Variants in CDHR3 observed in about 807,000 individuals in gnomAD.
CDHR3 encodes cadherin-related family member 3.
In CDHR3, 79 loss-of-function variants were observed where a neutral mutation model predicts 86.6. The observed-to-expected ratio is 0.91, with a 90% CI of 0.76 to 1.10. The LOEUF (loss-of-function observed/expected upper bound fraction) is 1.10. CDHR3 is among the 50% of genes least tolerant of loss of function. The pLI, the probability that CDHR3 is intolerant of heterozygous loss-of-function variation, is 0.00. For synonymous variants in CDHR3, 421 were observed against 402.4 expected, an observed-to-expected ratio of 1.05 and a Z score of -0.55; for missense variants, 1,081 against 1,077.6, an observed-to-expected ratio of 1.00 and a Z score of -0.04.
intron 6 of CDHR3, among the ~76,000 whole-genome samples, chr7:105,996,591 T>C (rs76140210): frequency 0.037 from 5,611 of 152,178 alleles, 180 homozygotes; most frequent in South Asian, 0.19. Context: ...GGATTTTGGA[T>C]ATGGTGGGGA....
At chr7:105,986,458 C>T (rs1423013904) in intron 4 of CDHR3, among the ~76,000 whole-genome samples, 1 of 152,304 alleles carries the variant, frequency 6.6e-6, no homozygotes, top group East Asian at 1.9e-4. Flanking sequence ...CTTTTCCTCA[C>T]TTGTCAAAAG....
intron 8 of CDHR3, among the ~76,000 whole-genome samples, chr7:106,008,089 C>G (rs1271921150): frequency 6.6e-6 from 1 of 152,176 alleles, no homozygotes; most frequent in Non-Finnish European, 1.5e-5. Context: ...GACTTAGTCA[C>G]TATCACAAGA....
intron 13 of CDHR3, among the ~76,000 whole-genome samples, chr7:106,021,282 T>C (rs1836523063): frequency 6.6e-6 from 1 of 152,000 alleles, no homozygotes; most frequent in Non-Finnish European, 1.5e-5. Context: ...AGAGTAAAAA[T>C]CCATCCCTGC....
rs765214027 is a variant in CDHR3, at chr7:106,028,534, T to TG, written c.2273-16dup. On this transcript the variant is annotated splice_polypyrimidine_tract_variant and intron_variant, in intron 16 of 18. Transcript: ENST00000317716. ...CCACCCAAGAAGCTTAACTTCTGCC[T>TG]GTTCTGTTCTCTGCAGAAACGAAGA... 17 of 1,613,778 alleles carry TG rather than the reference T, an allele frequency of 1.1e-5. No homozygotes were observed. Among genetic ancestry groups the TG allele is most frequent in the Non-Finnish European group, 1.4e-5 (17 of 1,179,814 alleles).
intron 1 of CDHR3, among the ~76,000 whole-genome samples, chr7:105,972,154 T>C (rs940574451): frequency 3.3e-5 from 5 of 152,090 alleles, no homozygotes; most frequent in African/African-American, 1.2e-4. Flanking sequence ...ATGTGTGCAA[T>C]GGTGACAGCA....
At chr7:105,992,489 A>T (rs1420202987) in intron 4 of CDHR3, among the ~76,000 whole-genome samples, 2 of 152,190 alleles carry the variant, frequency 1.3e-5, no homozygotes, top group Non-Finnish European at 1.5e-5. Flanking sequence ...TAAACCCCAC[A>T]CCTGGGAGTA....
intron 6 of CDHR3, among the ~76,000 whole-genome samples, chr7:105,998,916 G>A (rs1014740137): frequency 2.0e-5 from 3 of 152,096 alleles, no homozygotes; most frequent in Non-Finnish European, 2.9e-5. Context: ...CTCCCCTCCT[G>A]CCCATTTCTT....
chr7:106,011,815 G>A (rs148452439), intron 8 of CDHR3, among the ~76,000 whole-genome samples: 5 of 152,294 alleles, frequency 3.3e-5, no homozygotes, highest in African/African-American at 1.2e-4. Flanking sequence ...TCTGAGTTTG[G>A]GGGTAGCTTT....
rs368863462 is a variant in CDHR3, at chr7:105,967,885, T to G, written c.46+4521T>G. On this transcript the variant is annotated intron_variant, in intron 1 of 18. Coordinates refer to ENST00000317716, the MANE Select transcript of CDHR3 (RefSeq NM_152750.5). ...TTGTCAGATGGGTAGATTGCAAAATTTTTCTCCTATTCTGTAGGTTGCCTG... is the reference window on the plus strand; with the variant it reads ...TTGTCAGATGGGTAGATTGCAAAATGTTTCTCCTATTCTGTAGGTTGCCTG... Among the ~76,000 whole-genome samples, 3 of 152,212 alleles carry G rather than the reference T, an allele frequency of 2.0e-5. No individual in the cohort carries two copies. The East Asian group carries it at 5.8e-4, about 29-fold the overall frequency.
intron 7 of CDHR3, 22 bp from the exon 8 acceptor site, chr7:106,004,476 G>C (rs76056955): frequency 6.2e-7 from 1 of 1,605,456 alleles, no homozygotes; most frequent in Non-Finnish European, 8.5e-7. Flanking sequence ...AAAGGGTCAC[G>C]TTCTAACCTT....
intron 6 of CDHR3, 115 bp downstream of exon 6, chr7:105,996,469 C>T: frequency 1.8e-6 from 1 of 570,584 alleles, no homozygotes; most frequent in Middle Eastern, 4.4e-4. Flanking sequence ...CTGTGGCCTG[C>T]AGGAAAGATT....
At chr7:106,031,483 T>A (rs1017415589) in intron 18 of CDHR3, among the ~76,000 whole-genome samples, 5 of 152,224 alleles carry the variant, frequency 3.3e-5, no homozygotes, top group Non-Finnish European at 2.9e-5. Context: ...AGGAGGCAAG[T>A]GTGTTGGCTT....
intron 8 of CDHR3, among the ~76,000 whole-genome samples, chr7:106,006,496 T>C (rs182740135): frequency 6.6e-6 from 1 of 152,276 alleles, no homozygotes; most frequent in East Asian, 1.9e-4. Context: ...GGTATAGGCA[T>C]TGGGTAAATA....
At chr7:105,994,270 GTAGTAGCTGTATTAAATAGGTA>G (rs1464135785) in intron 4 of CDHR3, among the ~76,000 whole-genome samples, 5 of 152,018 alleles carry the variant, frequency 3.3e-5, no homozygotes, top group Admixed American at 2.0e-4. Context: ...TACCTAGTGG[GTAGTAGCTGTATTAAATAGGTA>G]TAGTAGCTGT....
At chr7:106,023,412 C>T (rs1272607738) in intron 14 of CDHR3, among the ~76,000 whole-genome samples, 4 of 152,130 alleles carry the variant, frequency 2.6e-5, no homozygotes, top group East Asian at 1.9e-4. Flanking sequence ...AGAAAATGAC[C>T]AGGTGCTATC....
chr7:106,018,247 T>A (rs1835966217), intron 12 of CDHR3, among the ~76,000 whole-genome samples, 175 bp downstream of exon 12: 1 of 152,182 alleles, frequency 6.6e-6, no homozygotes, highest in Non-Finnish European at 1.5e-5. Flanking sequence ...TTTTCTTTTT[T>A]CGTTTTTGAG....
rs538520563 is a variant in CDHR3, at chr7:106,020,464, G to A, written c.1745G>A (p.Gly582Asp). 90 of 1,613,934 alleles carry A rather than the reference G, an allele frequency of 5.6e-5. 1 individual carries two copies. The South Asian group carries it at 9.4e-4, about 17-fold the overall frequency. ...GCCCTCCCAGTGGATCTGAAAGTTG[G>A]CACAAATATTCAGAATTTCAAGCTG... Reference protein sequence around the residue: ...FLALPVDLKVGTNIQNFKLTC... With the variant: ...FLALPVDLKVDTNIQNFKLTC... The change falls in exon 13 of 19, where the codon GGC (glycine) becomes GAC (aspartate). Residue 582 changes from glycine to aspartate, a missense_variant. Transcript: ENST00000317716.
chr7:105,996,994 A>G (rs1832346732), intron 6 of CDHR3, among the ~76,000 whole-genome samples: 1 of 152,146 alleles, frequency 6.6e-6, no homozygotes, highest in Non-Finnish European at 1.5e-5. Flanking sequence ...GGAGGAAAAG[A>G]TGGGATTCTG....
intron 15 of CDHR3, among the ~76,000 whole-genome samples, chr7:106,025,368 G>A (rs1837203280): frequency 6.6e-6 from 1 of 152,150 alleles, no homozygotes; most frequent in Non-Finnish European, 1.5e-5. Context: ...CCACCTCTGT[G>A]AACTTGAATT....
Sources: allele counts gnomAD v4.1 joint callset (sites outside exome capture counted in the v4.1 genomes callset), GRCh38; gene constraint gnomAD v4.1.1; transcripts MANE v1.5; gene names NCBI Gene and HGNC (gene_info 2026-07-23, HGNC 2026-07-21).